Variants in RAP1GDS1 observed in about 807,000 individuals in gnomAD.
RAP1GDS1 encodes the protein RAP1, GTP-GDP dissociation stimulator 1.
Under a neutral mutation model 71.1 loss-of-function variants are expected in RAP1GDS1, and 35 were observed. That is an observed-to-expected ratio of 0.49 (90% CI 0.38 to 0.65). The LOEUF is 0.65. Among genes scored for constraint, RAP1GDS1 ranks in the 30% least tolerant of loss-of-function variants. RAP1GDS1 has a pLI of 0.00. For missense variants in RAP1GDS1, 663 were observed against 706.1 expected (o/e 0.94, Z 0.69); for synonymous variants, 229 against 243.1 (o/e 0.94, Z 0.54).
intron 4 of RAP1GDS1, among the ~76,000 whole-genome samples, chr4:98,365,740 T>C (rs1739395212): frequency 6.6e-6 from 1 of 152,234 alleles, no homozygotes; most frequent in African/African-American, 2.4e-5. Flanking sequence ...TTTTTATCAC[T>C]TTTGTTCGAT....
chr4:98,378,735 T>C (rs529699145), intron 4 of RAP1GDS1, among the ~76,000 whole-genome samples: 3 of 151,910 alleles, frequency 2.0e-5, no homozygotes, highest in Non-Finnish European at 4.4e-5. Flanking sequence ...AGTTTTCATA[T>C]TGTAAACTTC....
intron 1 of RAP1GDS1, among the ~76,000 whole-genome samples, chr4:98,282,314 A>G (rs1725234617): frequency 6.6e-6 from 1 of 152,154 alleles, no homozygotes; most frequent in South Asian, 2.1e-4. Context: ...TCAGAGATTC[A>G]GCTCCTTCCT....
At chr4:98,409,963 T>A (rs372466619) in intron 7 of RAP1GDS1, among the ~76,000 whole-genome samples, 2 of 152,210 alleles carry the variant, frequency 1.3e-5, no homozygotes, top group African/African-American at 4.8e-5. Flanking sequence ...AATTGAGACA[T>A]TGGTTACTTT....
intron 2 of RAP1GDS1, among the ~76,000 whole-genome samples, chr4:98,294,713 T>A (rs1173078329): frequency 6.6e-6 from 1 of 152,152 alleles, no homozygotes; most frequent in Non-Finnish European, 1.5e-5. Flanking sequence ...ATTTGGCAGA[T>A]GACCACTCTC....
At chr4:98,363,951 C>T (rs1437834315) in intron 4 of RAP1GDS1, among the ~76,000 whole-genome samples, 1 of 152,030 alleles carries the variant, frequency 6.6e-6, no homozygotes, top group East Asian at 1.9e-4. Flanking sequence ...ATTTCTAGGA[C>T]TTGAGTACCT....
intron 4 of RAP1GDS1, among the ~76,000 whole-genome samples, chr4:98,372,900 G>A (rs1346297676): frequency 1.3e-5 from 2 of 152,094 alleles, no homozygotes; most frequent in Non-Finnish European, 2.9e-5. Flanking sequence ...GTGTTGCCCA[G>A]GCTGATCTCA....
chr4:98,326,375 A>G (rs1479292929), intron 2 of RAP1GDS1, among the ~76,000 whole-genome samples: 1 of 152,150 alleles, frequency 6.6e-6, no homozygotes, highest in Non-Finnish European at 1.5e-5. Flanking sequence ...GGTCAGCAAT[A>G]TCTCCCTTTT....
chr4:98,326,644 C>T (rs1448734748), intron 2 of RAP1GDS1, among the ~76,000 whole-genome samples: 2 of 152,002 alleles, frequency 1.3e-5, no homozygotes, highest in African/African-American at 4.8e-5. Context: ...AATTCTTTCC[C>T]TCCTCAGCTC....
intron 1 of RAP1GDS1, among the ~76,000 whole-genome samples, chr4:98,263,438 G>T (rs529031172): frequency 2.6e-5 from 4 of 152,260 alleles, no homozygotes; most frequent in African/African-American, 9.6e-5. Context: ...AAAATCTTGA[G>T]TGCTATTGCT....
At chr4:98,435,793 A>C (rs1751041253) in intron 13 of RAP1GDS1, among the ~76,000 whole-genome samples, 1 of 152,152 alleles carries the variant, frequency 6.6e-6, no homozygotes, top group South Asian at 2.1e-4. Context: ...TTTTGAGTTA[A>C]TATCGGTATA....
At chr4:98,434,945 AG>A (rs1286171874) in intron 13 of RAP1GDS1, among the ~76,000 whole-genome samples, 1 of 152,210 alleles carries the variant, frequency 6.6e-6, no homozygotes, top group Non-Finnish European at 1.5e-5. Flanking sequence ...TCTGTTGGGC[AG>A]AATTCATCAC....
intron 2 of RAP1GDS1, among the ~76,000 whole-genome samples, chr4:98,321,606 G>T (rs1170435841): frequency 6.6e-6 from 1 of 151,652 alleles, no homozygotes; most frequent in Non-Finnish European, 1.5e-5. Flanking sequence ...AAGAGTGGGG[G>T]CCAATATTCA....
intron 4 of RAP1GDS1, among the ~76,000 whole-genome samples, chr4:98,364,484 C>T (rs1034709917): frequency 1.3e-5 from 2 of 152,042 alleles, no homozygotes; most frequent in Non-Finnish European, 2.9e-5. Context: ...TTATCACTGT[C>T]AAATACATAA....
intron 2 of RAP1GDS1, among the ~76,000 whole-genome samples, chr4:98,326,891 G>A (rs1040613401): frequency 6.6e-6 from 1 of 152,314 alleles, no homozygotes; most frequent in African/African-American, 2.4e-5. Context: ...GTGCCTGTAA[G>A]AGCTAGAATT....
chr4:98,417,222 T>C, intron 8 of RAP1GDS1, 145 bp from the exon 9 acceptor site: 1 of 894,052 alleles, frequency 1.1e-6, no homozygotes, highest in Non-Finnish European at 1.7e-6. Flanking sequence ...TAAATGTTTA[T>C]TATAAAAAGA....
chr4:98,394,046 A>G (rs1255037138), intron 6 of RAP1GDS1, among the ~76,000 whole-genome samples: 1 of 152,194 alleles, frequency 6.6e-6, no homozygotes, highest in Non-Finnish European at 1.5e-5. Flanking sequence ...AGGAGAGTAC[A>G]TAGAAGAAAG....
At chr4:98,342,791 A>C (rs1385156757) in intron 2 of RAP1GDS1, among the ~76,000 whole-genome samples, 3 of 152,186 alleles carry the variant, frequency 2.0e-5, no homozygotes, top group African/African-American at 7.2e-5. Context: ...CTTAGAATTC[A>C]GAAGAGATGT....
intron 1 of RAP1GDS1, 143 bp from the exon 2 acceptor site, chr4:98,293,265 C>T (rs1002914574): frequency 1.1e-5 from 6 of 565,898 alleles, no homozygotes; most frequent in Non-Finnish European, 1.9e-5. Context: ...ATAGTACAGT[C>T]TAATGCCATT....
At chr4:98,408,952 C>T (rs948009894) in intron 7 of RAP1GDS1, among the ~76,000 whole-genome samples, 4 of 152,010 alleles carry the variant, frequency 2.6e-5, no homozygotes, top group Admixed American at 6.6e-5. Flanking sequence ...AATAAAAAAG[C>T]ATTTGCTTTG....
Sources: gnomAD v4.1 joint callset for allele counts (sites outside exome capture counted in the v4.1 genomes callset) on GRCh38, gnomAD v4.1.1 for gene constraint, MANE v1.5 for transcripts, NCBI Gene and HGNC (gene_info 2026-07-23, HGNC 2026-07-21) for gene names.